The following EPM2A variants were observed in gnomAD, a reference collection of about 807,000 sequenced individuals.
EPM2A encodes the protein laforin.
A neutral mutation model predicts 26.5 loss-of-function variants in EPM2A; 21 were observed. The ratio of observed to expected loss-of-function variants is 0.79; its 90% CI spans 0.56 to 1.14. The LOEUF (loss-of-function observed/expected upper bound fraction) is 1.14, where lower values mean the gene tolerates loss of function less well. Among genes scored for constraint, EPM2A ranks in the 50% most tolerant of loss-of-function variants. The pLI is 0.00. For missense variants in EPM2A, 458 were observed against 440.8 expected, an observed-to-expected ratio of 1.04 and a Z score of -0.35; for synonymous variants, 217 against 177.6, an observed-to-expected ratio of 1.22 and a Z score of -1.76.
intron 2 of EPM2A, among the ~76,000 whole-genome samples, chr6:145,575,948 G>A (rs762291127): frequency 6.6e-6 from 1 of 152,184 alleles, no homozygotes; most frequent in Non-Finnish European, 1.5e-5. Context: ...TGATTATCCT[G>A]CCTCAGCCTC....
chr6:145,543,597 A>C (rs1281925931), intron 2 of EPM2A, among the ~76,000 whole-genome samples: 2 of 152,056 alleles, frequency 1.3e-5, no homozygotes, highest in African/African-American at 4.8e-5. Flanking sequence ...TAATTTAAAG[A>C]AAAAAAAGTA....
rs115799723 is a variant in EPM2A, at chr6:145,529,523, A to G, written c.341-26948T>C. Among the ~76,000 whole-genome samples, 760 of 152,344 alleles carry G rather than the reference A, an allele frequency of 5.0e-3. 4 individuals carry two copies. The highest frequency in any genetic ancestry group is 0.018 in the African/African-American group (740 of 41,588). ...TGATAATTTATATTTTTCAGAAATAAAGAATTTTAATAAAGATATGTACAT... is the reference window on the plus strand; with the variant it reads ...TGATAATTTATATTTTTCAGAAATAGAGAATTTTAATAAAGATATGTACAT... On this transcript the variant is annotated intron_variant, in intron 2 of 3. Coordinates refer to the EPM2A transcript ENST00000450221.
chr6:145,499,362 C>A (rs528159497), downstream of EPM2A, among the ~76,000 whole-genome samples: 13 of 152,298 alleles, frequency 8.5e-5, no homozygotes, highest in South Asian at 2.7e-3. Context: ...TTCTGCCCTA[C>A]CTGTTATTTA....
At position 145,561,237 on chromosome 6, in the gene EPM2A, C is replaced by T. The variant is rs563530724; in HGVS notation, c.341-58662G>A. Among the ~76,000 whole-genome samples, 213 of 150,934 alleles carry T rather than the reference C, an allele frequency of 1.4e-3. 1 individual carries two copies. The highest frequency in any genetic ancestry group is 2.3e-3 in the Non-Finnish European group (154 of 67,834). On this transcript the variant is annotated intron_variant, in intron 2 of 3. Coordinates refer to the EPM2A transcript ENST00000450221. ...TTAAATTGCCTGTGGTTACATGTTGCACAGGTTTGTAACCGAGGAGCAATA... is the reference window on the plus strand; with the variant it reads ...TTAAATTGCCTGTGGTTACATGTTGTACAGGTTTGTAACCGAGGAGCAATA...
chr6:145,564,775 G>C (rs531052385), intron 2 of EPM2A, among the ~76,000 whole-genome samples: 5 of 150,914 alleles, frequency 3.3e-5, no homozygotes, highest in African/African-American at 7.3e-5. Flanking sequence ...GTATATGGTG[G>C]GGGGGGGCAG....
chr6:145,659,134 T>C (rs1778501944), intron 2 of EPM2A, among the ~76,000 whole-genome samples: 3 of 151,166 alleles, frequency 2.0e-5, no homozygotes, highest in Admixed American at 2.0e-4. Flanking sequence ...AATTTTCAAG[T>C]AAATGTTAAT....
intron 1 of EPM2A, among the ~76,000 whole-genome samples, chr6:145,701,600 G>C (rs1210264890): frequency 6.6e-6 from 1 of 152,174 alleles, no homozygotes; most frequent in Non-Finnish European, 1.5e-5. Flanking sequence ...AGAGGAATAA[G>C]ATTACCATAA....
intron 2 of EPM2A, among the ~76,000 whole-genome samples, chr6:145,512,584 C>T (rs1191325623): frequency 4.0e-5 from 6 of 151,194 alleles, no homozygotes; most frequent in African/African-American, 4.9e-5. Context: ...TGGTGGTGGG[C>T]GCCTGTAATC....
intron 2 of EPM2A, among the ~76,000 whole-genome samples, chr6:145,515,150 G>A (rs912034304): frequency 3.9e-5 from 6 of 152,210 alleles, no homozygotes; most frequent in Non-Finnish European, 8.8e-5. Flanking sequence ...GGTATTGTTG[G>A]TAGAAGGGCT....
chr6:145,396,807 C>G (rs751376867), intron 4 of EPM2A, among the ~76,000 whole-genome samples: 3 of 152,162 alleles, frequency 2.0e-5, no homozygotes, highest in Non-Finnish European at 4.4e-5. Context: ...TTGAGGCTTT[C>G]CTTTACAAAC....
At chr6:145,671,453 G>C (rs945517149) in intron 2 of EPM2A, 6 of 907,864 alleles carry the variant, frequency 6.6e-6, no homozygotes, top group Non-Finnish European at 7.9e-6. Flanking sequence ...AATATTACAT[G>C]TTGGCAAAAT....
In EPM2A at chr6:145,512,386, G is replaced by C. The variant is rs1727204494; in HGVS notation, c.341-9811C>G. ...ACAGCAACTAAAATACCATGGTACT[G>C]GTACTAAAATAGACACACAGATCAA... On this transcript the variant is annotated intron_variant, in intron 2 of 3. Transcript: ENST00000450221. Among the ~76,000 whole-genome samples, 3 of 151,994 alleles carry C rather than the reference G, an allele frequency of 2.0e-5. No homozygotes were observed. The South Asian group carries it at 6.2e-4, about 32-fold the overall frequency.
At chr6:145,723,216 G>T (rs1242224562) in intron 1 of EPM2A, among the ~76,000 whole-genome samples, 1 of 152,058 alleles carries the variant, frequency 6.6e-6, no homozygotes, top group Non-Finnish European at 1.5e-5. Flanking sequence ...AAAGAGTGGA[G>T]TAAAAAAATA....
Position 145,635,367 on chromosome 6 carries a change from A to G in EPM2A, c.596T>C (p.Val199Ala), listed in dbSNP as rs1474627296. The change falls in exon 3 of 4, where the codon GTA (valine) becomes GCA (alanine). Residue 199 changes from valine (V) to alanine (A), a missense_variant. By Grantham distance (64) the Val-to-Ala change is moderately conservative. Coordinates refer to ENST00000367519, the MANE Select transcript of EPM2A (RefSeq NM_005670.4). ...VMNFQTEWDI[V>A]QNSSGCNRYP... ...GCGGTTACAGCCTGAGGAATTCTGT[A>G]CAATATCCCATTCAGTCTGGAAATT... 6.2e-7 allele frequency: 1 copy of G among 1,614,164 alleles called. No homozygotes were observed. Among genetic ancestry groups the G allele is most frequent in the South Asian group, 1.1e-5 (1 of 91,080 alleles).
intron 2 of EPM2A, among the ~76,000 whole-genome samples, chr6:145,551,007 C>G (rs1383261227): frequency 6.6e-6 from 1 of 152,026 alleles, no homozygotes; most frequent in Non-Finnish European, 1.5e-5. Flanking sequence ...GTCAACTGTA[C>G]AGCGAATAAG....
intron 4 of EPM2A, among the ~76,000 whole-genome samples, chr6:145,479,545 A>G (rs928787305): frequency 6.6e-6 from 1 of 151,828 alleles, no homozygotes; most frequent in Non-Finnish European, 1.5e-5. Context: ...TTTGTGATAG[A>G]CTTATTTCAC....
chr6:145,423,783 G>A (rs146988692), intron 4 of EPM2A, among the ~76,000 whole-genome samples: 33 of 152,284 alleles, frequency 2.2e-4, no homozygotes, highest in African/African-American at 4.3e-4. Flanking sequence ...GAAGAGCTCC[G>A]TAGTTCCTAC....
chr6:145,434,612 T>C (rs117334371), intron 4 of EPM2A, among the ~76,000 whole-genome samples: 1 of 152,338 alleles, frequency 6.6e-6, no homozygotes, highest in Non-Finnish European at 1.5e-5. Context: ...AGTTATTTTT[T>C]AGTTGAGATA....
chr6:145,534,815 C>T (rs879289311), intron 2 of EPM2A, among the ~76,000 whole-genome samples: 1 of 152,152 alleles, frequency 6.6e-6, no homozygotes, highest in Non-Finnish European at 1.5e-5. Flanking sequence ...GGTGATATAT[C>T]TGCATCTGAC....
Sources: allele counts gnomAD v4.1 joint callset (sites outside exome capture counted in the v4.1 genomes callset), GRCh38; gene constraint gnomAD v4.1.1; transcripts MANE v1.5; gene names NCBI Gene and HGNC (gene_info 2026-07-23, HGNC 2026-07-21).